Variants in POLN observed in about 807,000 individuals in gnomAD.
POLN encodes the protein DNA polymerase nu.
A neutral mutation model predicts 113.5 loss-of-function variants in POLN; 108 were observed. That is an observed-to-expected ratio of 0.95 (90% CI 0.81 to 1.12). The LOEUF is 1.12. Among genes scored for constraint, POLN ranks in the 50% most tolerant of loss-of-function variants. The pLI, the probability that POLN is intolerant of heterozygous loss-of-function variation, is 0.00. For missense variants in POLN, 1,097 were observed against 1,077.1 expected (o/e 1.02, Z -0.26); for synonymous variants, 386 against 391.5 (o/e 0.99, Z 0.17).
intron 16 of POLN, among the ~76,000 whole-genome samples, chr4:2,138,739 T>C (rs1731921273): frequency 6.6e-6 from 1 of 152,088 alleles, no homozygotes; most frequent in African/African-American, 2.4e-5. Context: ...TGGTCTCTAG[T>C]AAAAATACAA....
intron 7 of POLN, among the ~76,000 whole-genome samples, chr4:2,192,396 G>A (rs559572847): frequency 9.9e-5 from 15 of 152,046 alleles, no homozygotes; most frequent in Admixed American, 2.6e-4. Context: ...TGTCCCCCAG[G>A]CTGGAGTGCG....
At chr4:2,225,268 G>A (rs1282097135) in intron 3 of POLN, among the ~76,000 whole-genome samples, 1 of 152,048 alleles carries the variant, frequency 6.6e-6, no homozygotes, top group Non-Finnish European at 1.5e-5. Flanking sequence ...ATGTATGTAT[G>A]CATGTATATA....
intron 16 of POLN, chr4:2,156,336 G>A: frequency 2.4e-6 from 1 of 417,908 alleles, no homozygotes; most frequent in Non-Finnish European, 4.7e-6. Context: ...TGCTTTAAGT[G>A]TGATGCAAGC....
intron 11 of POLN, among the ~76,000 whole-genome samples, chr4:2,173,278 A>C (rs2016611): frequency 0.14 from 21,063 of 152,126 alleles, 2,206 homozygotes; most frequent in East Asian, 0.35. Context: ...TGCTCCTGGC[A>C]TGTGCTTTAG....
At chr4:2,214,542 G>A (rs1163909507) in intron 3 of POLN, among the ~76,000 whole-genome samples, 1 of 152,004 alleles carries the variant, frequency 6.6e-6, no homozygotes, top group Admixed American at 6.6e-5. Flanking sequence ...AATAGGAAGA[G>A]GCAATACACA....
Position 2,085,734 on chromosome 4 carries a change from C to T in POLN, c.2076G>A (p.Arg692=), listed in dbSNP as rs780841394. 4 of 1,613,770 alleles carry T rather than the reference C, an allele frequency of 2.5e-6. No homozygotes were observed. The South Asian group carries it at 3.3e-5, about 13-fold the overall frequency. ...TAGGAACTCCAAGGCAAGCAGCCAGCCGCTCCTTCCCTGTCAGTCAGAGAG... is the reference window on the plus strand; with the variant it reads ...TAGGAACTCCAAGGCAAGCAGCCAGTCGCTCCTTCCCTGTCAGTCAGAGAG... ...YAVVYGAGKE[R]LAACLGVPIQ... The change falls in exon 21 of 26, where the codon CGG becomes CGA. Residue 692 remains arginine, a synonymous_variant. Coordinates refer to ENST00000511885, the MANE Select transcript of POLN (RefSeq NM_181808.4).
chr4:2,179,815 CT>C (rs1240468959), intron 7 of POLN, among the ~76,000 whole-genome samples: 1 of 152,188 alleles, frequency 6.6e-6, no homozygotes, highest in Non-Finnish European at 1.5e-5. Flanking sequence ...CCTGCCTCCC[CT>C]CCTCCTTGCT....
chr4:2,119,442 T>C (rs1335980198), intron 19 of POLN, among the ~76,000 whole-genome samples: 1 of 150,184 alleles, frequency 6.7e-6, no homozygotes, highest in Admixed American at 6.7e-5. Flanking sequence ...TGTGTGAAGC[T>C]GCTGGAGCTG....
rs780914204 is a variant in POLN at position 2,171,098 on chromosome 4, C to T, written c.1458G>A (p.Glu486=). 1.2e-6 allele frequency: 2 copies of T among 1,609,140 alleles called. No individual in the cohort carries two copies. The highest frequency in any genetic ancestry group is 2.2e-5 in the South Asian group (2 of 89,548). Residue 486 remains glutamate (E), a splice_region_variant and synonymous_variant, in exon 12 of 26, where the codon GAG becomes GAA. Coordinates refer to ENST00000511885, the MANE Select transcript of POLN (RefSeq NM_181808.4). ...FLITSNNQLR[E]ILFGKLKLHL... is the part of the protein sequence containing the mutation. ...TGAAAGAACCAAAATTCAGCTTTAC[C>T]TCTCGAAGCTGGTTATTGCTCGTTA...
rs941973916 is a variant in POLN at position 2,127,846 on chromosome 4, C to T, written c.1982+267G>A. 2.6e-5 allele frequency among the ~76,000 whole-genome samples: 4 copies of T among 152,218 alleles called. No homozygotes were observed. The highest frequency in any genetic ancestry group is 9.6e-5 in the African/African-American group (4 of 41,466). ...CTTTCCGTGGTGCTCGCCTGCAGGG[C>T]GCGGGACTCGCTGGTTATTTTATCA... On this transcript the variant is annotated intron_variant, in intron 19 of 25. Coordinates refer to ENST00000511885, the MANE Select transcript of POLN (RefSeq NM_181808.4). This position sits in a 1 kb window ranked among gnomAD's most constrained non-coding sequence, Gnocchi z 4.7.
intron 2 of POLN, among the ~76,000 whole-genome samples, chr4:2,239,857 A>G (rs1228598816): frequency 2.0e-5 from 3 of 152,236 alleles, no homozygotes; most frequent in Non-Finnish European, 4.4e-5. Flanking sequence ...GCTGCCCTCC[A>G]TTAACGTATG....
intron 7 of POLN, among the ~76,000 whole-genome samples, chr4:2,181,779 T>C (rs922564661): frequency 2.6e-5 from 4 of 151,962 alleles, no homozygotes; most frequent in Non-Finnish European, 4.4e-5. Context: ...GAGAGGCAGA[T>C]CACGAGGTCA....
At chr4:2,083,319 G>A (rs965696154) in intron 21 of POLN, among the ~76,000 whole-genome samples, 2 of 152,188 alleles carry the variant, frequency 1.3e-5, no homozygotes, top group African/African-American at 2.4e-5. Context: ...TGCAGTCTGC[G>A]TGGCTCCCCC....
chr4:2,201,662 C>A lies in POLN; in HGVS notation c.715-2945G>T, dbSNP rs186022387. On this transcript the variant is annotated intron_variant, in intron 5 of 25. Coordinates refer to ENST00000511885, the MANE Select transcript of POLN (RefSeq NM_181808.4). ...ATCAAGGAAAACTTCCCTGGCCTTG[C>A]TAGAGACCTAGACATCCAAATACAA... Among the ~76,000 whole-genome samples, 29 of 152,186 alleles carry A rather than the reference C, an allele frequency of 1.9e-4. 1 individual carries two copies. The highest frequency in any genetic ancestry group is 6.7e-4 in the African/African-American group (28 of 41,544).
intron 21 of POLN, among the ~76,000 whole-genome samples, chr4:2,085,389 T>C (rs1041406533): frequency 1.3e-5 from 2 of 152,226 alleles, no homozygotes; most frequent in African/African-American, 4.8e-5. Context: ...CACCATCTAG[T>C]CACTCAAGTT....
intron 19 of POLN, among the ~76,000 whole-genome samples, chr4:2,101,642 G>A (rs1472733111): frequency 6.6e-6 from 1 of 152,242 alleles, no homozygotes; most frequent in Admixed American, 6.5e-5. Flanking sequence ...AGAGTAAGAT[G>A]TCATTCTTGG....
chr4:2,216,085 G>A (rs61792595), intron 3 of POLN, among the ~76,000 whole-genome samples: 6,069 of 152,256 alleles, frequency 0.04, 165 homozygotes, highest in Middle Eastern at 0.051. Context: ...CCTGCCCCCA[G>A]TTATGTAGTA....
chr4:2,146,100 T>C (rs756462967), intron 16 of POLN, among the ~76,000 whole-genome samples: 4 of 151,566 alleles, frequency 2.6e-5, no homozygotes, highest in African/African-American at 4.8e-5. Flanking sequence ...AAAATATAAA[T>C]AAATAAATAA....
Position 2,071,989 on chromosome 4 carries a change from G to T in POLN, c.*125C>A. The stretch of plus-strand genomic sequence containing the variant: ...GCTTTGCACAGGCATTTACTCCAGG[G>T]GATGGCGGGCCACCCCAGCCCCAAA... On this transcript the variant is annotated 3_prime_UTR_variant, in exon 26 of 26. Transcript: ENST00000511885. The surrounding 1 kb of genome is among the most constrained non-coding windows in gnomAD (Gnocchi z 5.2). 9.3e-7 allele frequency: 1 copy of T among 1,071,004 alleles called. No individual in the cohort carries two copies. The highest frequency in any genetic ancestry group is 1.5e-6 in the Non-Finnish European group (1 of 688,376). 66.3% of individuals were successfully genotyped at this position (1,071,004 alleles called of 1,614,324 possible). A position where few individuals can be genotyped will look rare whatever the true frequency, so the allele number is the denominator to read the frequency against.
Sources: allele counts gnomAD v4.1 joint callset (sites outside exome capture counted in the v4.1 genomes callset), GRCh38; gene constraint gnomAD v4.1.1; non-coding constraint Gnocchi (gnomAD v3.1); transcripts MANE v1.5; gene names NCBI Gene and HGNC (gene_info 2026-07-23, HGNC 2026-07-21).